TAF2: variants seen among roughly 807,000 people sequenced by gnomAD.
TAF2 encodes TATA-box binding protein associated factor 2.
In TAF2, 61 loss-of-function variants were observed where a neutral mutation model predicts 138.5. That is an observed-to-expected ratio of 0.44 (90% CI 0.36 to 0.54). The LOEUF is 0.54. Ranked by LOEUF, TAF2 falls within the 20% of genes least tolerant of loss-of-function variation. The pLI, the probability that TAF2 is intolerant of heterozygous loss-of-function variation, is 0.00. For missense variants in TAF2, 1,090 were observed against 1,427.9 expected, an observed-to-expected ratio of 0.76 and a Z score of 3.81; for synonymous variants, 475 against 469.9, an observed-to-expected ratio of 1.01 and a Z score of -0.14.
intron 14 of TAF2, among the ~76,000 whole-genome samples, chr8:119,786,294 TAGTA>T (rs961061449): frequency 2.0e-5 from 3 of 152,104 alleles, no homozygotes; most frequent in African/African-American, 7.2e-5. Flanking sequence ...AAAAAAGACA[TAGTA>T]AGCAAGATGT....
chr8:119,831,559 C>T (rs1217612195), intron 2 of TAF2, 118 bp downstream of exon 2: 1 of 702,650 alleles, frequency 1.4e-6, no homozygotes, highest in Non-Finnish European at 2.4e-6. Flanking sequence ...TTAATTCTTA[C>T]CTATTCTTGA....
At chr8:119,786,555 T>C (rs994329911) in intron 14 of TAF2, among the ~76,000 whole-genome samples, 7 of 152,208 alleles carry the variant, frequency 4.6e-5, no homozygotes, top group African/African-American at 1.7e-4. Context: ...AAACAAAGAA[T>C]GTTTGGTAAT....
rs1029696701 is a variant in TAF2, at chr8:119,731,045, T to C, written c.*879A>G. Reference sequence around the variant, plus strand: ...TGTCTATTTCCAGGTTAATAAACAATATATAAGCTCACCTTTTTAAAGGTA... The same window carrying C: ...TGTCTATTTCCAGGTTAATAAACAACATATAAGCTCACCTTTTTAAAGGTA... On this transcript the variant is annotated 3_prime_UTR_variant, in exon 26 of 26. Transcript: ENST00000378164. 2.6e-5 allele frequency: 4 copies of C among 152,160 alleles called. No individual in the cohort carries two copies. The highest frequency in any genetic ancestry group is 4.8e-5 in the African/African-American group (2 of 41,452). The allele number at this position is 152,160 out of a possible 1,614,324, so 9.4% of individuals were successfully genotyped here. A position where few individuals can be genotyped will look rare whatever the true frequency, so the allele number is the denominator to read the frequency against.
chr8:119,832,044 G>A (rs1826483607), intron 1 of TAF2, among the ~76,000 whole-genome samples: 1 of 151,978 alleles, frequency 6.6e-6, no homozygotes, highest in African/African-American at 2.4e-5. Flanking sequence ...CTGTAATCCC[G>A]GCTACTCAGG....
Position 119,732,127 on chromosome 8 carries a change from CTG to C in TAF2, c.3395_3396del (p.Ser1132CysfsTer4). The part of the protein sequence containing the change: ...SMHPAASAPL[S>X]VFTKESTASK... ...GAGGCTGTAGATTCCTTAGTAAAGA[CTG>C]AGAGTGGAGCGCTTGCCGCTGGATG... On this transcript the variant is annotated frameshift_variant, in exon 26 of 26. Transcript: ENST00000378164. LOFTEE classifies it high-confidence loss of function. 1 of 1,614,146 alleles carries C rather than the reference CTG, an allele frequency of 6.2e-7. No homozygotes were observed. The highest frequency in any genetic ancestry group is 8.5e-7 in the Non-Finnish European group (1 of 1,180,022).
intron 3 of TAF2, among the ~76,000 whole-genome samples, chr8:119,818,161 C>G (rs1479111856): frequency 3.3e-5 from 5 of 152,226 alleles, no homozygotes; most frequent in Admixed American, 3.3e-4. Context: ...CAGTGGTTCT[C>G]AAGCTTCGGT....
At chr8:119,755,889 G>GAAA in intron 22 of TAF2, 117 bp downstream of exon 22, 1 of 669,494 alleles carries the variant, frequency 1.5e-6, no homozygotes, top group East Asian at 3.4e-5. Flanking sequence ...CTACTTAAAA[G>GAAA]AAAAAAAAAA....
chr8:119,789,401 G>A (rs7837589), intron 12 of TAF2, among the ~76,000 whole-genome samples, 191 bp downstream of exon 12: 41,324 of 151,944 alleles, frequency 0.27, 6,879 homozygotes, highest in Admixed American at 0.46. Flanking sequence ...ATACATGTGT[G>A]TGCACCTTAA....
chr8:119,742,568 G>T lies in TAF2; in HGVS notation c.3303C>A (p.Pro1101=). 3 of 1,613,934 alleles carry T rather than the reference G, an allele frequency of 1.9e-6. No homozygotes were observed. The highest frequency in any genetic ancestry group is 2.5e-6 in the Non-Finnish European group (3 of 1,179,978). ...AGCDSTPTTK[P]QWSLELARKG... is the part of the protein sequence containing the mutation. ...TCCGTGCAAGTTCCAAACTCCACTGGGGTTTTGTGGTGGGTGTGCTGTCAC... is the reference window on the plus strand; with the variant it reads ...TCCGTGCAAGTTCCAAACTCCACTGTGGTTTTGTGGTGGGTGTGCTGTCAC... The change falls in exon 25 of 26, where the codon CCC becomes CCA. Residue 1101 remains proline (P), a synonymous_variant. Coordinates refer to ENST00000378164, the MANE Select transcript of TAF2 (RefSeq NM_003184.4).
At chr8:119,806,435 AGCCAT>A (rs1208318304) in intron 3 of TAF2, 34 bp from the exon 4 acceptor site, 7 of 1,499,294 alleles carry the variant, frequency 4.7e-6, no homozygotes, top group Non-Finnish European at 6.5e-6. Flanking sequence ...TTTAATAATA[AGCCAT>A]GTATCTTACC....
At position 119,778,018 on chromosome 8, in the gene TAF2, C is replaced by T. The variant is rs1822377888; in HGVS notation, c.2364+1G>A. ...AAGATTTAAAAATAAAAGTACCTCA[C>T]CTTATTTTTCCTGTTGTCATTGTAC... On this transcript the variant is annotated splice_donor_variant, in intron 18 of 25. Transcript: ENST00000378164. LOFTEE classifies it high-confidence loss of function. 2 of 1,460,460 alleles carry T rather than the reference C, an allele frequency of 1.4e-6. No homozygotes were observed. The highest frequency in any genetic ancestry group is 1.9e-6 in the Non-Finnish European group (2 of 1,048,930). 90.5% of individuals were successfully genotyped at this position (1,460,460 alleles called of 1,614,324 possible). A position where few individuals can be genotyped will look rare whatever the true frequency, so the allele number is the denominator to read the frequency against.
chr8:119,796,866 T>C, intron 8 of TAF2, 124 bp downstream of exon 8: 2 of 713,576 alleles, frequency 2.8e-6, no homozygotes, highest in South Asian at 3.2e-5. Context: ...TTTAAATACA[T>C]ATAGAACAGT....
In TAF2 at chr8:119,762,521, T is replaced by A. The variant is rs1586353665; in HGVS notation, c.2452A>T (p.Thr818Ser). Residue 818 changes from threonine (T) to serine (S), a missense_variant, in exon 19 of 26, where the codon ACT becomes TCT. Thr to Ser is a moderately conservative substitution (Grantham distance 58). Transcript: ENST00000378164. The stretch of plus-strand genomic sequence containing the variant: ...ACATCAGGATTTAAGTTATCCAAAG[T>A]TCTAACTTCATTATTCACACTGACT... ...PAVSVNNEVR[T>S]LDNLNPDVRL... is the part of the protein sequence containing the mutation. 1 of 1,613,938 alleles carries A rather than the reference T, an allele frequency of 6.2e-7. No individual in the cohort carries two copies. Among genetic ancestry groups the A allele is most frequent in the East Asian group, 2.2e-5 (1 of 44,824 alleles).
At chr8:119,819,622 C>T (rs1825696821) in intron 2 of TAF2, 116 bp from the exon 3 acceptor site, 2 of 786,094 alleles carry the variant, frequency 2.5e-6, no homozygotes, top group Admixed American at 1.9e-5. Context: ...TCCCTAATAG[C>T]TACATACATA....
chr8:119,739,348 C>T (rs1284226394), intron 25 of TAF2, among the ~76,000 whole-genome samples: 3 of 152,112 alleles, frequency 2.0e-5, no homozygotes, highest in African/African-American at 7.2e-5. Flanking sequence ...TTTATATCCC[C>T]TTCCTTACCT....
intron 25 of TAF2, 150 bp from the exon 26 acceptor site, chr8:119,732,336 GTAAT>G (rs1263272660): frequency 1.8e-5 from 13 of 725,462 alleles, no homozygotes; most frequent in Non-Finnish European, 2.4e-6. Context: ...AATAAGACAT[GTAAT>G]TAGTTACACA....
Position 119,794,217 on chromosome 8 carries a change from G to A in TAF2, c.1192-766C>T, listed in dbSNP as rs372927876. On this transcript the variant is annotated intron_variant, in intron 9 of 25. Coordinates refer to ENST00000378164, the MANE Select transcript of TAF2 (RefSeq NM_003184.4). ...TCGAGACCATCCTGGCCAACATGGTGAAATCCCGTCTCTACTAAAAATACA... is the reference window on the plus strand; with the variant it reads ...TCGAGACCATCCTGGCCAACATGGTAAAATCCCGTCTCTACTAAAAATACA... 1.3e-4 allele frequency among the ~76,000 whole-genome samples: 20 copies of A among 152,212 alleles called. No homozygotes were observed. The East Asian group carries it at 1.4e-3, about 10-fold the overall frequency.
intron 2 of TAF2, among the ~76,000 whole-genome samples, chr8:119,824,615 G>A (rs928952984): frequency 6.6e-6 from 1 of 152,132 alleles, no homozygotes; most frequent in African/African-American, 2.4e-5. Context: ...GGCCTAGGAG[G>A]AAAAAGTGGT....
chr8:119,769,741 C>T (rs530439286), intron 18 of TAF2, among the ~76,000 whole-genome samples: 3 of 150,978 alleles, frequency 2.0e-5, no homozygotes, highest in Non-Finnish European at 4.4e-5. Flanking sequence ...ACTGGTCTTT[C>T]GAATTAACCC....
Sources: allele counts gnomAD v4.1 joint callset (sites outside exome capture counted in the v4.1 genomes callset), GRCh38; gene constraint gnomAD v4.1.1; transcripts MANE v1.5; gene names NCBI Gene and HGNC (gene_info 2026-07-23, HGNC 2026-07-21).